Variants in CNTNAP5 observed in about 807,000 individuals in gnomAD.
CNTNAP5 encodes the protein contactin-associated protein-like 5.
CNTNAP5 carries 72 observed loss-of-function variants against 150.2 expected under a neutral mutation model. That is an observed-to-expected ratio of 0.48 (90% CI 0.40 to 0.58). The LOEUF is 0.58. CNTNAP5 is among the 20% of genes least tolerant of loss of function. The pLI is 0.00. For synonymous variants in CNTNAP5, 672 were observed against 619.8 expected, an observed-to-expected ratio of 1.08 and a Z score of -1.25; for missense variants, 1,636 against 1,626.2, an observed-to-expected ratio of 1.01 and a Z score of -0.10.
chr2:124,626,569 A>C (rs1677727153), intron 12 of CNTNAP5, among the ~76,000 whole-genome samples: 1 of 152,130 alleles, frequency 6.6e-6, no homozygotes, highest in African/African-American at 2.4e-5. Context: ...CCATCTGTGG[A>C]TCAGGAGATT....
At chr2:124,447,134 G>C (rs1189805124) in intron 6 of CNTNAP5, among the ~76,000 whole-genome samples, 197 bp downstream of exon 6, 1 of 152,006 alleles carries the variant, frequency 6.6e-6, no homozygotes, top group African/African-American at 2.4e-5. Context: ...AAGGAGTGAT[G>C]GGCTAAACCA....
chr2:124,714,954 A>G (rs1378625542), intron 13 of CNTNAP5, among the ~76,000 whole-genome samples: 1 of 152,170 alleles, frequency 6.6e-6, no homozygotes, highest in African/African-American at 2.4e-5. Flanking sequence ...CAATTTTGTT[A>G]ATTACCTCTA....
At chr2:124,209,878 G>GT (rs1163230406) in intron 1 of CNTNAP5, among the ~76,000 whole-genome samples, 1 of 152,170 alleles carries the variant, frequency 6.6e-6, no homozygotes. Flanking sequence ...TTTACATCCC[G>GT]TGCAGTAAGT....
At chr2:124,635,638 G>T (rs775030356) in intron 12 of CNTNAP5, among the ~76,000 whole-genome samples, 1 of 152,174 alleles carries the variant, frequency 6.6e-6, no homozygotes, top group Non-Finnish European at 1.5e-5. Flanking sequence ...GGTGTCAAAG[G>T]TGTCTCCCAG....
chr2:124,639,310 T>C (rs1678041394), intron 12 of CNTNAP5, among the ~76,000 whole-genome samples: 1 of 152,186 alleles, frequency 6.6e-6, no homozygotes, highest in African/African-American at 2.4e-5. Context: ...ATCTCATTCA[T>C]CTTGTGATGA....
chr2:124,212,974 G>T (rs1023204231), intron 1 of CNTNAP5, among the ~76,000 whole-genome samples: 1 of 151,708 alleles, frequency 6.6e-6, no homozygotes, highest in Non-Finnish European at 1.5e-5. Context: ...GAGTAGCTGG[G>T]ACTACAGGCG....
intron 3 of CNTNAP5, among the ~76,000 whole-genome samples, chr2:124,411,694 ACT>A (rs1691769376): frequency 1.2e-5 from 1 of 84,864 alleles, no homozygotes; most frequent in Non-Finnish European, 2.5e-5. Context: ...CATGCTAAAA[ACT>A]CTCAATAAAT....
intron 1 of CNTNAP5, among the ~76,000 whole-genome samples, chr2:124,085,581 A>T (rs1321686151): frequency 6.6e-6 from 1 of 151,208 alleles, no homozygotes; most frequent in Non-Finnish European, 1.5e-5. Flanking sequence ...CCTTTTTCTA[A>T]GTTCTTGAGC....
chr2:124,769,112 G>A (rs991174026), intron 16 of CNTNAP5, among the ~76,000 whole-genome samples: 6 of 151,996 alleles, frequency 3.9e-5, no homozygotes, highest in South Asian at 2.1e-4. Context: ...GTGTGGTTCC[G>A]TCTTCATGGA....
At chr2:124,422,555 G>T (rs1692131851) in intron 4 of CNTNAP5, among the ~76,000 whole-genome samples, 1 of 152,188 alleles carries the variant, frequency 6.6e-6, no homozygotes, top group South Asian at 2.1e-4. Context: ...TTTGCACAGT[G>T]CCCTGGATTG....
At chr2:124,105,503 G>A (rs1208371454) in intron 1 of CNTNAP5, among the ~76,000 whole-genome samples, 1 of 152,064 alleles carries the variant, frequency 6.6e-6, no homozygotes, top group African/African-American at 2.4e-5. Flanking sequence ...TGTAAATACT[G>A]CTTATTAATT....
At chr2:124,301,284 G>A (rs1029279497) in intron 3 of CNTNAP5, among the ~76,000 whole-genome samples, 1 of 152,142 alleles carries the variant, frequency 6.6e-6, no homozygotes, top group African/African-American at 2.4e-5. Context: ...GTGTAGTATC[G>A]ATCAACGTGT....
chr2:124,840,975 C>T, intron 19 of CNTNAP5, among the ~76,000 whole-genome samples: 1 of 152,032 alleles, frequency 6.6e-6, no homozygotes, highest in East Asian at 1.9e-4. Flanking sequence ...CTGAGCTCAA[C>T]ATACATTTTT....
chr2:124,508,131 A>G (rs1483274695), intron 8 of CNTNAP5, among the ~76,000 whole-genome samples: 1 of 152,206 alleles, frequency 6.6e-6, no homozygotes, highest in Admixed American at 6.5e-5. Flanking sequence ...ATGAGGTAGT[A>G]TATCTCAAAT....
intron 3 of CNTNAP5, among the ~76,000 whole-genome samples, chr2:124,410,695 C>A (rs1691731797): frequency 6.6e-6 from 1 of 151,540 alleles, no homozygotes; most frequent in South Asian, 2.1e-4. Context: ...AACAAAGACA[C>A]AACATACCAG....
chr2:124,238,882 C>T (rs1320278398), intron 2 of CNTNAP5, among the ~76,000 whole-genome samples: 2 of 152,138 alleles, frequency 1.3e-5, no homozygotes, highest in African/African-American at 4.8e-5. Context: ...GAAATGTTTG[C>T]CATAGCAACC....
intron 11 of CNTNAP5, among the ~76,000 whole-genome samples, chr2:124,581,977 C>A (rs1051023968): frequency 6.6e-6 from 1 of 152,142 alleles, no homozygotes; most frequent in Non-Finnish European, 1.5e-5. Flanking sequence ...GAGGCAGGGG[C>A]TTAGAGTAGG....
chr2:124,766,648 G>A (rs1681075030), intron 16 of CNTNAP5, among the ~76,000 whole-genome samples: 1 of 152,142 alleles, frequency 6.6e-6, no homozygotes. Flanking sequence ...AAAATGTTGA[G>A]TTGAATGCCA....
chr2:124,398,480 C>CTTTGTTTATTTA (rs1553464687), intron 3 of CNTNAP5, among the ~76,000 whole-genome samples: 1 of 147,888 alleles, frequency 6.8e-6, no homozygotes, highest in Admixed American at 6.8e-5. Flanking sequence ...GAAATTTTTA[C>CTTTGTTTATTTA]TTTATTTATT....
Sources: gnomAD v4.1 joint callset for allele counts (sites outside exome capture counted in the v4.1 genomes callset) on GRCh38, gnomAD v4.1.1 for gene constraint, MANE v1.5 for transcripts, NCBI Gene and HGNC (gene_info 2026-07-23, HGNC 2026-07-21) for gene names.